Variants in SLX4IP observed in about 807,000 individuals in gnomAD.
SLX4IP encodes the protein SLX4 interacting protein.
SLX4IP carries 34 observed loss-of-function variants against 32.9 expected under a neutral mutation model. The observed-to-expected ratio is 1.03, with a 90% confidence interval of 0.79 to 1.38. The LOEUF is 1.38. Ranked by LOEUF, SLX4IP falls within the 40% of genes most tolerant of loss-of-function variation. The pLI, the probability that SLX4IP is intolerant of heterozygous loss-of-function variation, is 0.00. For missense variants in SLX4IP, 444 were observed against 479.0 expected (o/e 0.93, Z 0.68); for synonymous variants, 172 against 171.7 (o/e 1.00, Z -0.01).
At chr20:10,616,095 A>T (rs1037462311) in intron 6 of SLX4IP, among the ~76,000 whole-genome samples, 1 of 152,174 alleles carries the variant, frequency 6.6e-6, no homozygotes. Context: ...CTGTGTTGGT[A>T]AAGGCCAACT....
chr20:10,525,410 A>T (rs1422702593), intron 2 of SLX4IP, among the ~76,000 whole-genome samples: 2 of 152,048 alleles, frequency 1.3e-5, no homozygotes, highest in Non-Finnish European at 2.9e-5. Flanking sequence ...CTCACATAGA[A>T]GCTTCCCCTC....
At chr20:10,537,053 C>G (rs142861154) in intron 2 of SLX4IP, among the ~76,000 whole-genome samples, 11 of 152,154 alleles carry the variant, frequency 7.2e-5, no homozygotes, top group Non-Finnish European at 1.2e-4. Context: ...TCTAATATCT[C>G]TGAAGCTTAG....
At position 10,572,035 on chromosome 20, in the gene SLX4IP, C is replaced by T. The variant is rs573132164; in HGVS notation, c.238+11215C>T. 5.9e-5 allele frequency among the ~76,000 whole-genome samples: 9 copies of T among 152,284 alleles called. 1 individual carries two copies. Among genetic ancestry groups the T allele is most frequent in the South Asian group, 2.1e-4 (1 of 4,832 alleles). On this transcript the variant is annotated intron_variant, in intron 4 of 7. Transcript: ENST00000334534. ...TTACTATCCTGCCCAGGTACCTTAC[C>T]GAGCGTCCACCCCTCGGATGCTGGC...
chr20:10,592,347 C>CA (rs2066718339), intron 4 of SLX4IP, among the ~76,000 whole-genome samples: 1 of 53,660 alleles, frequency 1.9e-5, no homozygotes, highest in African/African-American at 5.6e-5. Flanking sequence ...CTTTCTCCAA[C>CA]CCCCCCCCAT....
chr20:10,526,393 G>C (rs1297943568), intron 2 of SLX4IP, among the ~76,000 whole-genome samples: 1 of 152,168 alleles, frequency 6.6e-6, no homozygotes, highest in African/African-American at 2.4e-5. Context: ...TTTGTCAGCT[G>C]TCATGATCCT....
At chr20:10,453,529 A>T (rs6039944) in intron 1 of SLX4IP, among the ~76,000 whole-genome samples, 71,873 of 151,908 alleles carry the variant, frequency 0.47, 18,922 homozygotes, top group Non-Finnish European at 0.6. Context: ...CATCTTTAGT[A>T]GCTTCCTGAG....
Position 10,448,564 on chromosome 20 carries a change from G to A in SLX4IP, c.-29-9612G>A, listed in dbSNP as rs992864782. Among the ~76,000 whole-genome samples, 3 of 152,020 alleles carry A rather than the reference G, an allele frequency of 2.0e-5. No individual in the cohort carries two copies. In the East Asian group the frequency reaches 5.8e-4, roughly 29 times the overall value. On this transcript the variant is annotated intron_variant, in intron 1 of 7. Transcript: ENST00000334534. ...ATGCAAATCCATGTAAGAGTGGCTT[G>A]GAAAACATCACATTAGCCTTAGTCT...
intron 2 of SLX4IP, among the ~76,000 whole-genome samples, chr20:10,545,113 G>C (rs895707297): frequency 6.6e-6 from 1 of 152,058 alleles, no homozygotes; most frequent in African/African-American, 2.4e-5. Flanking sequence ...TCTGGGAACC[G>C]GCTGCTGGTA....
At chr20:10,528,316 A>C (rs2065956269) in intron 2 of SLX4IP, among the ~76,000 whole-genome samples, 1 of 152,194 alleles carries the variant, frequency 6.6e-6, no homozygotes, top group African/African-American at 2.4e-5. Context: ...CCATTTATCA[A>C]ACATTAGTTT....
At chr20:10,515,650 G>A (rs1009260902) in intron 2 of SLX4IP, among the ~76,000 whole-genome samples, 1 of 152,180 alleles carries the variant, frequency 6.6e-6, no homozygotes, top group African/African-American at 2.4e-5. Context: ...GGAAGGAAAT[G>A]ATGTCTTCTG....
intron 4 of SLX4IP, among the ~76,000 whole-genome samples, chr20:10,565,620 A>G (rs2066383313): frequency 2.0e-5 from 3 of 152,204 alleles, no homozygotes. Context: ...TACCTTGGGA[A>G]AGTGACACTT....
intron 2 of SLX4IP, among the ~76,000 whole-genome samples, chr20:10,458,532 C>G (rs1450675128): frequency 6.6e-6 from 1 of 152,050 alleles, no homozygotes; most frequent in East Asian, 1.9e-4. Flanking sequence ...TCCCCCACAA[C>G]AGGTCCCAGT....
intron 2 of SLX4IP, among the ~76,000 whole-genome samples, chr20:10,465,387 A>G (rs1404097143): frequency 6.6e-6 from 1 of 152,206 alleles, no homozygotes; most frequent in African/African-American, 2.4e-5. Flanking sequence ...TTATGCTACA[A>G]TGAAGTGGAG....
chr20:10,560,728 T>C lies in SLX4IP; in HGVS notation c.146T>C (p.Ile49Thr), dbSNP rs756506975. ...GTCTGTTTACTGTTAAAAGAAACCATTGATTCAAGAGTTCAGGAGTACTTG... is the reference window on the plus strand; with the variant it reads ...GTCTGTTTACTGTTAAAAGAAACCACTGATTCAAGAGTTCAGGAGTACTTG... ...EEVCLLLKET[I>T]DSRVQEYLEV... Residue 49 changes from isoleucine to threonine, a missense_variant, in exon 4 of 8, where the codon ATT becomes ACT. Ile to Thr is a moderately conservative substitution (Grantham distance 89). Coordinates refer to ENST00000334534, the MANE Select transcript of SLX4IP (RefSeq NM_001009608.3). The C allele has an allele frequency of 1.9e-6, 3 of 1,595,710 alleles. No individual in the cohort carries two copies. The highest frequency in any genetic ancestry group is 2.7e-5 in the African/African-American group (2 of 74,086).
At chr20:10,488,235 A>AC (rs1459079246) in intron 2 of SLX4IP, among the ~76,000 whole-genome samples, 1 of 152,184 alleles carries the variant, frequency 6.6e-6, no homozygotes, top group Admixed American at 6.5e-5. Flanking sequence ...ACTAGGGTGA[A>AC]CCCTAAACCA....
intron 2 of SLX4IP, among the ~76,000 whole-genome samples, chr20:10,519,758 C>T (rs575676757): frequency 1.3e-5 from 2 of 152,310 alleles, no homozygotes; most frequent in East Asian, 1.9e-4. Flanking sequence ...ATTGCTAAGT[C>T]GTATGGTGAC....
intron 2 of SLX4IP, among the ~76,000 whole-genome samples, chr20:10,541,773 T>C: frequency 6.6e-6 from 1 of 152,212 alleles, no homozygotes; most frequent in South Asian, 2.1e-4. Context: ...CAGTCTGTTT[T>C]CTTTTTGAAT....
At chr20:10,489,878 C>G (rs1355031158) in intron 2 of SLX4IP, among the ~76,000 whole-genome samples, 1 of 152,208 alleles carries the variant, frequency 6.6e-6, no homozygotes, top group African/African-American at 2.4e-5. Context: ...TTAAGAATTA[C>G]CGAGTTATCT....
rs139930900 is a variant in SLX4IP at position 10,617,753 on chromosome 20, A to T, written c.406-3561A>T. On this transcript the variant is annotated intron_variant, in intron 6 of 7. Coordinates refer to ENST00000334534, the MANE Select transcript of SLX4IP (RefSeq NM_001009608.3). ...GGCCTTGACCTCCTGGGCTCAAGTG[A>T]TCCTCCCACCTCAGCCTGCTGAGTA... is the stretch of plus-strand genomic sequence containing the variant. Among the ~76,000 whole-genome samples the T allele has an allele frequency of 2.3e-4, 33 of 144,000 alleles. No homozygotes were observed. The East Asian group carries it at 6.8e-3, about 30-fold the overall frequency. 94.5% of individuals were successfully genotyped at this position (144,000 alleles called of 152,430 possible). A position where few individuals can be genotyped will look rare whatever the true frequency, so the allele number is the denominator to read the frequency against.
Sources: gnomAD v4.1 joint callset for allele counts (sites outside exome capture counted in the v4.1 genomes callset) on GRCh38, gnomAD v4.1.1 for gene constraint, MANE v1.5 for transcripts, NCBI Gene and HGNC (gene_info 2026-07-23, HGNC 2026-07-21) for gene names.